Variants in CPT1C observed in about 807,000 individuals in gnomAD.
CPT1C encodes palmitoyl thioesterase CPT1C.
In CPT1C, 61 loss-of-function variants were observed where a neutral mutation model predicts 97.3. That is an observed-to-expected ratio of 0.63 (90% CI 0.51 to 0.78). The LOEUF (loss-of-function observed/expected upper bound fraction) is 0.78, where lower values mean the gene tolerates loss of function less well. Ranked by LOEUF, CPT1C falls within the 30% of genes least tolerant of loss-of-function variation. The pLI, the probability that CPT1C is intolerant of heterozygous loss-of-function variation, is 0.00. For missense variants in CPT1C, 975 were observed against 1,065.5 expected, an observed-to-expected ratio of 0.92 and a Z score of 1.18; for synonymous variants, 469 against 447.2, an observed-to-expected ratio of 1.05 and a Z score of -0.61.
chr19:49,700,328 G>A (rs10415869), intron 4 of CPT1C, among the ~76,000 whole-genome samples: 18,658 of 151,878 alleles, frequency 0.12, 1,400 homozygotes, highest in Non-Finnish European at 0.17. Flanking sequence ...TCTTAAAGGC[G>A]CCCAGGAATA....
At chr19:49,709,579 G>C (rs2083722590) in intron 14 of CPT1C, among the ~76,000 whole-genome samples, 3 of 146,762 alleles carry the variant, frequency 2.0e-5, no homozygotes, top group Non-Finnish European at 3.0e-5. Flanking sequence ...TTTTGAGATG[G>C]AGTCCCGCTC....
chr19:49,705,167 G>C, intron 9 of CPT1C, 47 bp from the exon 10 acceptor site: 3 of 1,613,658 alleles, frequency 1.9e-6, no homozygotes, highest in African/African-American at 2.7e-5. Flanking sequence ...TGGCCTTTGG[G>C]CCACGTGGGT....
intron 3 of CPT1C, among the ~76,000 whole-genome samples, chr19:49,694,230 A>G (rs1162238540): frequency 6.6e-6 from 1 of 152,118 alleles, no homozygotes; most frequent in Non-Finnish European, 1.5e-5. Flanking sequence ...AGCAAAATAT[A>G]GGGTATGGTG....
intron 3 of CPT1C, among the ~76,000 whole-genome samples, chr19:49,695,010 A>T (rs931252707): frequency 2.0e-5 from 3 of 151,824 alleles, no homozygotes; most frequent in Non-Finnish European, 4.4e-5. Context: ...GCGTGGTGGC[A>T]GTCACCTGTA....
chr19:49,699,443 G>C (rs1160994226), intron 4 of CPT1C, among the ~76,000 whole-genome samples: 1 of 88,330 alleles, frequency 1.1e-5, no homozygotes, highest in African/African-American at 4.6e-5. Context: ...GGGCAACATA[G>C]AGACCCCTGT....
chr19:49,712,715 G>C, intron 17 of CPT1C, 21 bp from the exon 18 acceptor site: 1 of 1,578,596 alleles, frequency 6.3e-7, no homozygotes, highest in African/African-American at 1.3e-5. Context: ...TCCTGCACAT[G>C]TGATGGGCTC....
intron 5 of CPT1C, 22 bp downstream of exon 5, chr19:49,700,877 G>T: frequency 1.2e-6 from 2 of 1,605,214 alleles, no homozygotes; most frequent in Non-Finnish European, 8.5e-7. Flanking sequence ...GCATAGCCCT[G>T]CTCAGGCTCT....
intron 7 of CPT1C, among the ~76,000 whole-genome samples, chr19:49,703,563 TCCTCCCTC>T (rs57669600): frequency 0.027 from 1,633 of 61,578 alleles, 168 homozygotes; most frequent in African/African-American, 0.14. Flanking sequence ...TGTCTCTCTC[TCCTCCCTC>T]CCTCCCTCCC....
chr19:49,704,911 C>T (rs1053790699), intron 8 of CPT1C, 96 bp from the exon 9 acceptor site: 28 of 1,403,536 alleles, frequency 2.0e-5, no homozygotes, highest in South Asian at 6.0e-5. Flanking sequence ...CATCATTCCA[C>T]CCTCTTTTGG....
Position 49,705,070 on chromosome 19 carries a change from C to T in CPT1C, c.835C>T (p.Leu279Phe), listed in dbSNP as rs1173121810. The T allele has an allele frequency of 1.9e-6, 3 of 1,613,618 alleles. No individual in the cohort carries two copies. Among genetic ancestry groups the T allele is most frequent in the Non-Finnish European group, 2.5e-6 (3 of 1,179,808 alleles). ...TCGCGCTGGGAATGCCGTCCATGCC[C>T]TCCTCCTGTACCGCCACCGCCTGAA... ...AARAGNAVHALLLYRHRLNRQ... is the reference protein window; with the variant it reads ...AARAGNAVHAFLLYRHRLNRQ... The change falls in exon 9 of 20, where the codon CTC becomes TTC. Residue 279 changes from leucine to phenylalanine, a missense_variant. This residue lies in a region of CPT1C where 596 missense variants were observed against 603.1 expected (regional missense o/e 0.99). Transcript: ENST00000598293.
intron 3 of CPT1C, chr19:49,696,413 A>C (rs2082669620): frequency 1.3e-5 from 2 of 149,518 alleles, no homozygotes; most frequent in African/African-American, 5.0e-5. Context: ...TGAGCTCCAG[A>C]CCCTGCTCTG....
chr19:49,712,000 G>A, intron 17 of CPT1C, 39 bp downstream of exon 17: 1 of 1,597,102 alleles, frequency 6.3e-7, no homozygotes, highest in Non-Finnish European at 8.6e-7. Context: ...GGAAGTGGGA[G>A]ACCATGGAAG....
chr19:49,701,641 C>G lies in CPT1C; in HGVS notation c.693+7C>G, dbSNP rs775067676. On this transcript the variant is annotated splice_region_variant and intron_variant, in intron 7 of 19. Transcript: ENST00000598293. ...CTGGTGGGCGTCCAATTATGTGAGTCCCGCCACCGCCACCAACGCCCCACC... is the reference window on the plus strand; with the variant it reads ...CTGGTGGGCGTCCAATTATGTGAGTGCCGCCACCGCCACCAACGCCCCACC... 13 of 1,587,852 alleles carry G rather than the reference C, an allele frequency of 8.2e-6. No individual in the cohort carries two copies. The highest frequency in any genetic ancestry group is 2.7e-5 in the African/African-American group (2 of 74,076).
At position 49,705,952 on chromosome 19, in the gene CPT1C, C is replaced by G. The variant is rs1010762582; in HGVS notation, c.1008C>G (p.Phe336Leu). Residue 336 changes from phenylalanine (F) to leucine (L), a missense_variant, in exon 11 of 20, where the codon TTC becomes TTG. Physicochemically the swap from Phe to Leu is conservative, Grantham distance 22. This residue lies in a region of CPT1C where 596 missense variants were observed against 603.1 expected (regional missense o/e 0.99). Coordinates refer to ENST00000598293, the MANE Select transcript of CPT1C (RefSeq NM_001199753.2). ...HLHDSQHVAV[F>L]HRGRFFRMGT... Reference sequence around the variant, plus strand: ...ATGACAGCCAACACGTGGCTGTCTTCCACCGGGGCCGATTCTTCCGCATGG... The same window carrying G: ...ATGACAGCCAACACGTGGCTGTCTTGCACCGGGGCCGATTCTTCCGCATGG... The G allele has an allele frequency of 2.5e-6, 4 of 1,613,796 alleles. No individual in the cohort carries two copies. The Admixed American group carries it at 6.7e-5, about 27-fold the overall frequency.
chr19:49,701,404 G>C lies in CPT1C; in HGVS notation c.541G>C (p.Asp181His). The change falls in exon 6 of 20, where the codon GAC becomes CAC. Residue 181 changes from aspartate to histidine, a missense_variant. By Grantham distance (81) the Asp-to-His change is moderately conservative. Transcript: ENST00000598293. ...ACGCCAGCCCGTGCCCTCTGTGCAG[G>C]ACACCGTGCGCAAGGTGGGCCTGGG... ...LPRQPVPSVQ[D>H]TVRKYLESVR... The C allele has an allele frequency of 6.2e-7, 1 of 1,612,018 alleles. No individual in the cohort carries two copies. Among genetic ancestry groups the C allele is most frequent in the Non-Finnish European group, 8.5e-7 (1 of 1,179,012 alleles).
At position 49,700,712 on chromosome 19, in the gene CPT1C, G is replaced by T. The variant is rs531575078; in HGVS notation, c.310G>T (p.Val104Phe). 1.7e-5 allele frequency: 27 copies of T among 1,610,926 alleles called. No individual in the cohort carries two copies. In the African/African-American group the frequency reaches 1.7e-4, roughly 10 times the overall value. ...TGGACAACACCACGGGCTCCGGGGGGTCCTGGCAGCCGCGCTGTTTGCCTC... is the reference window on the plus strand; with the variant it reads ...TGGACAACACCACGGGCTCCGGGGGTTCCTGGCAGCCGCGCTGTTTGCCTC... ...WGGQHHGLRGVLAAALFASCL... is the reference protein window; with the variant it reads ...WGGQHHGLRGFLAAALFASCL... Residue 104 changes from valine to phenylalanine, a missense_variant, in exon 5 of 20, where the codon GTC becomes TTC. Around this residue, in one of 3 missense-constraint regions of CPT1C, gnomAD observed 596 missense variants for 603.1 expected, o/e 0.99. Coordinates refer to ENST00000598293, the MANE Select transcript of CPT1C (RefSeq NM_001199753.2).
At chr19:49,698,662 CAAAA>C (rs34974547) in intron 4 of CPT1C, among the ~76,000 whole-genome samples, 1 of 114,538 alleles carries the variant, frequency 8.7e-6, no homozygotes, top group Non-Finnish European at 1.8e-5. Flanking sequence ...GACTCTGTCT[CAAAA>C]AAAAAAAAAA....
At chr19:49,699,602 T>C (rs1217561657) in intron 4 of CPT1C, among the ~76,000 whole-genome samples, 1 of 152,006 alleles carries the variant, frequency 6.6e-6, no homozygotes, top group East Asian at 1.9e-4. Context: ...TTAATGTAGC[T>C]TTAGACCAGC....
chr19:49,708,299 A>T (rs1056716907), intron 13 of CPT1C, among the ~76,000 whole-genome samples: 1 of 152,076 alleles, frequency 6.6e-6, no homozygotes, highest in Non-Finnish European at 1.5e-5. Flanking sequence ...AGCCTGGGCA[A>T]CATAATGAGA....
Sources: gnomAD v4.1 joint callset for allele counts (sites outside exome capture counted in the v4.1 genomes callset) on GRCh38, gnomAD v4.1.1 for gene constraint, gnomAD v4.1.1 regional missense constraint, MANE v1.5 for transcripts, NCBI Gene and HGNC (gene_info 2026-07-23, HGNC 2026-07-21) for gene names.